CLDN16: variants seen among roughly 807,000 people sequenced by gnomAD.
CLDN16 encodes the protein claudin-16.
Under a neutral mutation model 24.6 loss-of-function variants are expected in CLDN16, and 13 were observed. The ratio of observed to expected loss-of-function variants is 0.53; its 90% confidence interval spans 0.34 to 0.84. The LOEUF is 0.84. Among genes scored for constraint, CLDN16 ranks in the 40% least tolerant of loss-of-function variants. The pLI, the probability that CLDN16 is intolerant of heterozygous loss-of-function variation, is 0.01. For missense variants in CLDN16, 298 were observed against 292.7 expected (o/e 1.02, Z -0.13); for synonymous variants, 116 against 106.7 (o/e 1.09, Z -0.54).
chr3:190,367,715 T>C (rs969151271), intron 1 of CLDN16, among the ~76,000 whole-genome samples: 12 of 152,118 alleles, frequency 7.9e-5, no homozygotes, highest in African/African-American at 2.9e-4. Context: ...GAACTCCATG[T>C]AATTTATTAG....
chr3:190,344,426 G>A, intron 1 of CLDN16, among the ~76,000 whole-genome samples: 1 of 151,708 alleles, frequency 6.6e-6, no homozygotes, highest in Non-Finnish European at 1.5e-5. Flanking sequence ...TAGATTTAAT[G>A]TGTATATAAA....
chr3:190,380,156 C>G lies in CLDN16; in HGVS notation n.306+5553C>G, dbSNP rs199868015. On this transcript the variant is annotated intron_variant and non_coding_transcript_variant, in intron 3 of 4. Transcript: ENST00000468220. ...CCTTCCTTCCTTTTCTTCCTTCCCTCCCTTCCTTCCTTCCTCCCTTCCTTC... is the reference window on the plus strand; with the variant it reads ...CCTTCCTTCCTTTTCTTCCTTCCCTGCCTTCCTTCCTTCCTCCCTTCCTTC... Among the ~76,000 whole-genome samples, 3 of 11,892 alleles carry G rather than the reference C, an allele frequency of 2.5e-4. 1 individual carries two copies. The highest frequency in any genetic ancestry group is 4.4e-4 in the Non-Finnish European group (3 of 6,794). 7.8% of individuals were successfully genotyped at this position (11,892 alleles called of 152,430 possible).
At chr3:190,391,496 G>A (rs1037810844) in intron 1 of CLDN16, among the ~76,000 whole-genome samples, 3 of 152,204 alleles carry the variant, frequency 2.0e-5, no homozygotes, top group Non-Finnish European at 2.9e-5. Flanking sequence ...GAAAATATGC[G>A]ATGATTACTT....
At chr3:190,403,408 TA>T (rs1719010990) in intron 2 of CLDN16, among the ~76,000 whole-genome samples, 2 of 152,190 alleles carry the variant, frequency 1.3e-5, no homozygotes, top group South Asian at 4.1e-4. Context: ...AGAAATGTCT[TA>T]AATTTAAAAA....
the CLDN16 span, among the ~76,000 whole-genome samples, chr3:190,290,976 G>T: frequency 1.6e-4 from 25 of 152,298 alleles, no homozygotes; most frequent in Non-Finnish European, 1.8e-4. Context: ...CAAGTAGGAT[G>T]TTAGAGAGTA....
At chr3:190,391,198 T>C (rs1718650611) in intron 1 of CLDN16, among the ~76,000 whole-genome samples, 1 of 150,186 alleles carries the variant, frequency 6.7e-6, no homozygotes, top group South Asian at 2.1e-4. Flanking sequence ...AGGAGTATTA[T>C]ACTTTTCCAG....
At chr3:190,396,572 T>C (rs1411283884) in intron 1 of CLDN16, among the ~76,000 whole-genome samples, 2 of 152,220 alleles carry the variant, frequency 1.3e-5, no homozygotes, top group African/African-American at 4.8e-5. Context: ...AGCTGCCATG[T>C]TTGTCTTTAT....
chr3:190,326,138 C>G (rs1344498975), intron 1 of CLDN16, among the ~76,000 whole-genome samples: 1 of 152,128 alleles, frequency 6.6e-6, no homozygotes, highest in Admixed American at 6.5e-5. Context: ...TTGAATGGCT[C>G]AAACCCTAGT....
chr3:190,333,574 CTATCTAT>C lies in CLDN16; in HGVS notation n.121+10914_121+10920del, dbSNP rs1560080564. Reference sequence around the variant, plus strand: ...TCTATCTATCTATCTATCTATCTATCTATCTATCAATCATCTTTCTATAAATCTACTG... The same window carrying C: ...TCTATCTATCTATCTATCTATCTATCCAATCATCTTTCTATAAATCTACTG... On this transcript the variant is annotated intron_variant and non_coding_transcript_variant, in intron 1 of 4. Coordinates refer to the CLDN16 transcript ENST00000468220. Among the ~76,000 whole-genome samples, 14 of 73,556 alleles carry C rather than the reference CTATCTAT, an allele frequency of 1.9e-4. No homozygotes were observed. The East Asian group carries it at 8.1e-3, about 42-fold the overall frequency. 48.3% of individuals were successfully genotyped at this position (73,556 alleles called of 152,430 possible). A position where few individuals can be genotyped will look rare whatever the true frequency, so the allele number is the denominator to read the frequency against.
intron 1 of CLDN16, among the ~76,000 whole-genome samples, chr3:190,402,014 C>T (rs1250477479): frequency 5.9e-5 from 9 of 151,798 alleles, no homozygotes; most frequent in Admixed American, 5.9e-4. Flanking sequence ...GATGTTTTTC[C>T]ATAACCATAA....
At position 190,365,369 on chromosome 3, in the gene CLDN16, G is replaced by T. The variant is rs140631354; in HGVS notation, n.122-5524G>T. ...TGCACCCACCAGTGCACTCTTTATT[G>T]TATTGGCCAGTGAAGTGTCTTTTGG... On this transcript the variant is annotated intron_variant and non_coding_transcript_variant, in intron 1 of 4. Coordinates refer to the CLDN16 transcript ENST00000468220. Among the ~76,000 whole-genome samples the T allele has an allele frequency of 2.2e-3, 341 of 151,624 alleles. 1 individual carries two copies. Among genetic ancestry groups the T allele is most frequent in the Non-Finnish European group, 3.7e-3 (248 of 67,786 alleles).
chr3:190,307,337 TA>T, the CLDN16 span: 1 of 152,118 alleles, frequency 6.6e-6, no homozygotes, highest in African/African-American at 2.4e-5. Flanking sequence ...AAAGGTAGTT[TA>T]GGGGGATATA....
chr3:190,296,241 G>A, the CLDN16 span, among the ~76,000 whole-genome samples: 3 of 152,108 alleles, frequency 2.0e-5, no homozygotes, highest in East Asian at 5.8e-4. Flanking sequence ...GAAACAGTCA[G>A]GCAATACAGT....
upstream of CLDN16, among the ~76,000 whole-genome samples, chr3:190,321,637 A>G (rs1716924279): frequency 6.6e-6 from 1 of 152,112 alleles, no homozygotes. Context: ...CCAATCCTCA[A>G]TTTACCCCAA....
At chr3:190,391,658 C>G (rs1329741462) in intron 1 of CLDN16, among the ~76,000 whole-genome samples, 1 of 152,078 alleles carries the variant, frequency 6.6e-6, no homozygotes, top group Admixed American at 6.6e-5. Flanking sequence ...AGGAGAAGCT[C>G]AGGGCTTGTT....
At chr3:190,311,699 T>A in the CLDN16 span, among the ~76,000 whole-genome samples, 1 of 150,972 alleles carries the variant, frequency 6.6e-6, no homozygotes. Context: ...TATAGCTGTA[T>A]AATTTATATG....
chr3:190,347,423 C>T (rs1464465135), intron 1 of CLDN16, among the ~76,000 whole-genome samples: 1 of 152,060 alleles, frequency 6.6e-6, no homozygotes, highest in Non-Finnish European at 1.5e-5. Context: ...TTGAAGTGCC[C>T]AAGGAACATA....
intron 3 of CLDN16, among the ~76,000 whole-genome samples, chr3:190,379,697 A>G (rs1475113460): frequency 6.6e-6 from 1 of 152,108 alleles, no homozygotes; most frequent in Non-Finnish European, 1.5e-5. Context: ...TAAGTTGTTT[A>G]TAAGATGCTT....
intron 1 of CLDN16, among the ~76,000 whole-genome samples, chr3:190,359,920 C>T (rs1433410244): frequency 1.3e-5 from 2 of 151,962 alleles, no homozygotes; most frequent in African/African-American, 2.4e-5. Context: ...AAACATGGAT[C>T]TCGAGTTTTG....
Sources: allele counts gnomAD v4.1 joint callset (sites outside exome capture counted in the v4.1 genomes callset), GRCh38; gene constraint gnomAD v4.1.1; transcripts MANE v1.5; gene names NCBI Gene and HGNC (gene_info 2026-07-23, HGNC 2026-07-21).